Variants in CCDC141 observed in about 807,000 individuals in gnomAD.
CCDC141 encodes the protein coiled-coil domain-containing protein 141.
Under a neutral mutation model 181.0 loss-of-function variants are expected in CCDC141, and 168 were observed. That is an observed-to-expected ratio of 0.93 (90% CI 0.82 to 1.05). The LOEUF is 1.05. CCDC141 is among the 50% of genes least tolerant of loss of function. The probability of loss-of-function intolerance (pLI) is 0.00; values close to 1 mark genes in which losing one functional copy is unlikely to be tolerated. For synonymous variants in CCDC141, 666 were observed against 642.3 expected (o/e 1.04, Z -0.56); for missense variants, 1,902 against 1,788.5 (o/e 1.06, Z -1.14).
At chr2:178,971,468 T>G (rs377110936) in intron 4 of CCDC141, among the ~76,000 whole-genome samples, 1 of 152,208 alleles carries the variant, frequency 6.6e-6, no homozygotes. Flanking sequence ...TTTACACTGT[T>G]GGTGGGAGTG....
intron 2 of CCDC141, among the ~76,000 whole-genome samples, chr2:178,987,704 A>C (rs1166380791): frequency 3.3e-5 from 5 of 150,400 alleles, no homozygotes; most frequent in Non-Finnish European, 5.9e-5. Flanking sequence ...TGCAGCCAAA[A>C]AACACATGAA....
chr2:178,964,150 A>G (rs776427849), intron 4 of CCDC141, among the ~76,000 whole-genome samples: 4 of 152,228 alleles, frequency 2.6e-5, no homozygotes, highest in Non-Finnish European at 5.9e-5. Context: ...TTTAATTTGT[A>G]TAGCCTTAAT....
chr2:178,843,203 T>C (rs945049928), intron 22 of CCDC141, among the ~76,000 whole-genome samples: 11 of 152,174 alleles, frequency 7.2e-5, no homozygotes, highest in African/African-American at 2.7e-4. Flanking sequence ...GAAAAGTGTA[T>C]GGCTAAAATT....
intron 2 of CCDC141, among the ~76,000 whole-genome samples, chr2:178,980,321 G>A (rs537994140): frequency 5.3e-5 from 8 of 152,018 alleles, no homozygotes; most frequent in Non-Finnish European, 8.8e-5. Flanking sequence ...CTGGTGGTGG[G>A]CGCCTGTAGT....
chr2:179,021,456 T>C (rs190586824), intron 2 of CCDC141, among the ~76,000 whole-genome samples: 11 of 152,316 alleles, frequency 7.2e-5, no homozygotes, highest in Middle Eastern at 3.4e-3. Context: ...GCTAATGAGC[T>C]GCTGAAAACC....
chr2:178,990,596 GAGGGGAGGGGAGGGA>G (rs1692006764), intron 2 of CCDC141, among the ~76,000 whole-genome samples: 1 of 135,084 alleles, frequency 7.4e-6, no homozygotes, highest in Non-Finnish European at 1.6e-5. Flanking sequence ...GAGGGGAGGG[GAGGGGAGGGGAGGGA>G]AGGGAAGGGA....
chr2:178,876,010 C>T (rs1258170561), intron 12 of CCDC141: 1 of 151,980 alleles, frequency 6.6e-6, no homozygotes, highest in Non-Finnish European at 1.5e-5. Flanking sequence ...GGAACATGGG[C>T]AAATTGCTTA....
chr2:179,011,079 A>AC (rs1445448904), intron 2 of CCDC141, among the ~76,000 whole-genome samples: 1 of 151,900 alleles, frequency 6.6e-6, no homozygotes, highest in Non-Finnish European at 1.5e-5. Context: ...AATCACTTGA[A>AC]CCTGGGAGGC....
At chr2:179,041,982 C>T (rs2043320874) in intron 2 of CCDC141, among the ~76,000 whole-genome samples, 1 of 152,188 alleles carries the variant, frequency 6.6e-6, no homozygotes, top group Admixed American at 6.5e-5. Flanking sequence ...TTTAACACCA[C>T]ACCGACAATA....
chr2:179,039,093 G>C (rs2043223676), intron 2 of CCDC141, among the ~76,000 whole-genome samples: 1 of 152,064 alleles, frequency 6.6e-6, no homozygotes, highest in Admixed American at 6.5e-5. Context: ...TAAATGACTT[G>C]AATATGGTTT....
chr2:179,038,824 G>A (rs897707334), intron 2 of CCDC141, among the ~76,000 whole-genome samples: 8 of 152,172 alleles, frequency 5.3e-5, no homozygotes, highest in African/African-American at 1.9e-4. Flanking sequence ...TTCACTGAAT[G>A]CCAACTGCAA....
chr2:178,837,745 C>T lies in CCDC141; in HGVS notation c.3475-1G>A, dbSNP rs1684550717. On this transcript the variant is annotated splice_acceptor_variant, in intron 22 of 23. Coordinates refer to ENST00000443758, the MANE Select transcript of CCDC141 (RefSeq NM_173648.4). LOFTEE classifies it high-confidence loss of function. ...AAAGATCTGCCACCTGCACCTGCCC[C>T]TTGAAAAAAGAAAAGCCAAATCATC... 6.3e-7 allele frequency: 1 copy of T among 1,582,680 alleles called. No homozygotes were observed. Among genetic ancestry groups the T allele is most frequent in the African/African-American group, 1.4e-5 (1 of 72,928 alleles).
chr2:178,930,148 G>T (rs759467792), intron 6 of CCDC141, among the ~76,000 whole-genome samples: 18 of 151,952 alleles, frequency 1.2e-4, no homozygotes, highest in Non-Finnish European at 2.4e-4. Flanking sequence ...AAAATCACTT[G>T]TGTTTCTATA....
chr2:178,983,428 C>T (rs141465257), intron 2 of CCDC141, among the ~76,000 whole-genome samples: 7,100 of 152,174 alleles, frequency 0.047, 211 homozygotes, highest in South Asian at 0.077. Context: ...CCAAAGGAAC[C>T]CAGCTCCTTA....
intron 11 of CCDC141, among the ~76,000 whole-genome samples, chr2:178,879,696 G>A (rs1036739246): frequency 6.6e-6 from 1 of 152,196 alleles, no homozygotes; most frequent in African/African-American, 2.4e-5. Context: ...ACACTGAGGA[G>A]AGACCACCAA....
the CCDC141 span, among the ~76,000 whole-genome samples, chr2:178,820,017 C>T: frequency 9.8e-5 from 15 of 152,292 alleles, no homozygotes; most frequent in South Asian, 2.5e-3. Flanking sequence ...AAGCTTCTCT[C>T]ACTAAGTAAA....
In CCDC141 at chr2:178,888,562, G is replaced by C; in HGVS notation, c.1372C>G (p.Gln458Glu). The C allele has an allele frequency of 6.4e-7, 1 of 1,550,430 alleles. No homozygotes were observed. The highest frequency in any genetic ancestry group is 8.7e-7 in the Non-Finnish European group (1 of 1,146,792). The change falls in exon 9 of 24, where the codon CAA becomes GAA. Residue 458 changes from glutamine (Q) to glutamate (E), a missense_variant. By Grantham distance (29) the Gln-to-Glu change is conservative. Transcript: ENST00000443758. ...TAACCCTCCACTGAGGCTGTTAGTT[G>C]TTGTTTCTTAAGAGCATATTCCTTG... ...AHKEYALKKQ[Q>E]LTASVEGYLR...
At chr2:178,912,363 A>C (rs1688254304) in intron 7 of CCDC141, among the ~76,000 whole-genome samples, 1 of 152,198 alleles carries the variant, frequency 6.6e-6, no homozygotes, top group Non-Finnish European at 1.5e-5. Flanking sequence ...GAGGACAATA[A>C]AATTGAATGT....
At position 178,856,404 on chromosome 2, in the gene CCDC141, T is replaced by C; in HGVS notation, c.2725-7A>G. On this transcript the variant is annotated splice_region_variant and splice_polypyrimidine_tract_variant and intron_variant, in intron 17 of 23. Coordinates refer to ENST00000443758, the MANE Select transcript of CCDC141 (RefSeq NM_173648.4). ...CTTTGAATGAGTCTTTGAGCTGTAG[T>C]TCAATAAAAAGAAATAGGTGGTTTC... is the stretch of plus-strand genomic sequence containing the variant. 1 of 1,543,822 alleles carries C rather than the reference T, an allele frequency of 6.5e-7. No individual in the cohort carries two copies.
Sources: gnomAD v4.1 joint callset for allele counts (sites outside exome capture counted in the v4.1 genomes callset) on GRCh38, gnomAD v4.1.1 for gene constraint, MANE v1.5 for transcripts, NCBI Gene and HGNC (gene_info 2026-07-23, HGNC 2026-07-21) for gene names.